The following ADCY4 variants were observed in gnomAD, a reference collection of about 807,000 sequenced individuals.
ADCY4 encodes adenylate cyclase type 4.
Under a neutral mutation model 125.5 loss-of-function variants are expected in ADCY4, and 111 were observed. The ratio of observed to expected loss-of-function variants is 0.88; its 90% CI spans 0.76 to 1.04. ADCY4 has a LOEUF of 1.04. Among genes scored for constraint, ADCY4 ranks in the 50% least tolerant of loss-of-function variants. ADCY4 has a pLI of 0.00. For synonymous variants in ADCY4, 576 were observed against 586.9 expected, an observed-to-expected ratio of 0.98 and a Z score of 0.27; for missense variants, 1,256 against 1,382.9, an observed-to-expected ratio of 0.91 and a Z score of 1.46.
At position 24,319,407 on chromosome 14, in the gene ADCY4, C is replaced by T; in HGVS notation, c.2763G>A (p.Val921=). ...TGCTGCCGATGGTCTTGATCTTCTCCACCCCACTGAACTTGGGCTTGGAGA... is the reference window on the plus strand; with the variant it reads ...TGCTGCCGATGGTCTTGATCTTCTCTACCCCACTGAACTTGGGCTTGGAGA... ...ELLSKPKFSG[V]EKIKTIGSTY... is the part of the protein sequence containing the mutation. The change falls in exon 22 of 25, where the codon GTG becomes GTA. Residue 921 remains valine (V), a synonymous_variant. Coordinates refer to ENST00000418030, the MANE Select transcript of ADCY4 (RefSeq NM_001198568.2). The surrounding 1 kb of genome is among the most constrained non-coding windows in gnomAD (Gnocchi z 4.5). The T allele has an allele frequency of 1.2e-6, 2 of 1,614,212 alleles. No homozygotes were observed. The highest frequency in any genetic ancestry group is 1.7e-6 in the Non-Finnish European group (2 of 1,180,036).
intron 10 of ADCY4, 171 bp downstream of exon 10, chr14:24,328,890 G>A: frequency 2.5e-6 from 2 of 805,252 alleles, no homozygotes; most frequent in Non-Finnish European, 1.9e-6. Flanking sequence ...GGAGGGGCAA[G>A]GAAGGGCCTG....
Position 24,328,967 on chromosome 14 carries a change from T to C in ADCY4, c.1524+94A>G, listed in dbSNP as rs536238263. On this transcript the variant is annotated intron_variant, in intron 10 of 24. Transcript: ENST00000418030. ...TGTCACAAATCATTAAGTGGCTCAC[T>C]GGTGGTGGGGGCAGGGAAGGCTGCC... 1.4e-4 allele frequency: 197 copies of C among 1,449,830 alleles called. 1 individual carries two copies. In the African/African-American group the frequency reaches 2.2e-3, roughly 16 times the overall value. The allele number at this position is 1,449,830 out of a possible 1,614,324, so 89.8% of individuals were successfully genotyped here. A position where few individuals can be genotyped will look rare whatever the true frequency, so the allele number is the denominator to read the frequency against.
intron 6 of ADCY4, 48 bp downstream of exon 6, chr14:24,330,970 G>A: frequency 6.5e-7 from 1 of 1,537,954 alleles, no homozygotes; most frequent in Non-Finnish European, 8.9e-7. Context: ...GGCTACCCAG[G>A]ATGGGATGTT....
At position 24,331,066 on chromosome 14, in the gene ADCY4, C is replaced by G. The variant is rs200174252; in HGVS notation, c.882G>C (p.Leu294=). Residue 294 remains leucine, a synonymous_variant, in exon 6 of 25, where the codon CTG becomes CTC. Transcript: ENST00000418030. The part of the protein sequence containing the change: ...RLASECSPKE[L]VLMLNELFGK... ...CAAAGAGCTCATTGAGCATGAGCACCAGCTCCTTAGGGGAACACTCGCTGG... is the reference window on the plus strand; with the variant it reads ...CAAAGAGCTCATTGAGCATGAGCACGAGCTCCTTAGGGGAACACTCGCTGG... 1.2e-6 allele frequency: 2 copies of G among 1,613,220 alleles called. No homozygotes were observed. The highest frequency in any genetic ancestry group is 4.5e-5 in the East Asian group (2 of 44,824).
intron 1 of ADCY4, among the ~76,000 whole-genome samples, chr14:24,333,864 C>T (rs932127429): frequency 1.4e-4 from 21 of 152,294 alleles, no homozygotes; most frequent in South Asian, 4.1e-4. Flanking sequence ...CCTGCCTCAA[C>T]TCCAAGCAGA....
In ADCY4 at chr14:24,322,943, C is replaced by G; in HGVS notation, c.2303G>C (p.Cys768Ser). ...GCCCAGATAGAGGCGGACGATGAGG[C>G]ATTCCGACAGCCAGGCATGGGAGTG... Reference protein sequence around the residue: ...FLHSHAWLSECLIVRLYLGPL... With the variant: ...FLHSHAWLSESLIVRLYLGPL... The change falls in exon 18 of 25, where the codon TGC becomes TCC. Residue 768 changes from cysteine (C) to serine (S), a missense_variant. Coordinates refer to ENST00000418030, the MANE Select transcript of ADCY4 (RefSeq NM_001198568.2). 6.2e-7 allele frequency: 1 copy of G among 1,611,990 alleles called. No individual in the cohort carries two copies.
intron 14 of ADCY4, among the ~76,000 whole-genome samples, chr14:24,324,849 G>A (rs12431793): frequency 0.62 from 93,636 of 151,968 alleles, 34,552 homozygotes; most frequent in Non-Finnish European, 0.83. Context: ...GATTACAGGC[G>A]CCTGCCATCT....
chr14:24,329,965 G>C lies in ADCY4; in HGVS notation c.1112C>G (p.Ser371Ter). Residue 371 changes from serine (S) to a stop codon, truncating the protein, a stop_gained, in exon 8 of 25, where the codon TCA (serine) becomes TGA (stop). Transcript: ENST00000418030. LOFTEE classifies it high-confidence loss of function. ...GATGACTCCACACAGTACGCTGCCT[G>C]AGTGCACGCCCACACGCATGTTGAT... ...VDINMRVGVHSGSVLCGVIGL... is the reference protein window; with the variant it reads ...VDINMRVGVH The C allele has an allele frequency of 6.2e-7, 1 of 1,614,116 alleles. No individual in the cohort carries two copies. Among genetic ancestry groups the C allele is most frequent in the Non-Finnish European group, 8.5e-7 (1 of 1,180,002 alleles).
intron 16 of ADCY4, 111 bp downstream of exon 16, chr14:24,323,951 G>A: frequency 1.4e-6 from 2 of 1,418,496 alleles, no homozygotes; most frequent in Non-Finnish European, 1.9e-6. Context: ...AACATTTCCA[G>A]CATCCCCTGG....
At chr14:24,325,082 A>C (rs1473262610) in intron 14 of ADCY4, among the ~76,000 whole-genome samples, 2 of 152,036 alleles carry the variant, frequency 1.3e-5, no homozygotes, top group African/African-American at 4.8e-5. Flanking sequence ...AAGCTCATGC[A>C]TTTGCTGCCA....
Position 24,332,797 on chromosome 14 carries a change from C to T in ADCY4, c.351G>A (p.Trp117Ter). 1 of 1,553,046 alleles carries T rather than the reference C, an allele frequency of 6.4e-7. No homozygotes were observed. Among genetic ancestry groups the T allele is most frequent in the African/African-American group, 1.4e-5 (1 of 73,850 alleles). Residue 117 changes from tryptophan to a stop codon, truncating the protein, a stop_gained, in exon 2 of 25, where the codon TGG becomes TGA. Coordinates refer to ENST00000418030, the MANE Select transcript of ADCY4 (RefSeq NM_001198568.2). LOFTEE classifies it high-confidence loss of function. Reference protein sequence around the residue: ...FLFTGGVVSAWDQVSYFLFVI... With the variant: ...FLFTGGVVSA ...CGCCTGCCGCCCCTCTCACCTGGTCCCAGGCGCTCACCACGCCCCCGGTGA... is the reference window on the plus strand; with the variant it reads ...CGCCTGCCGCCCCTCTCACCTGGTCTCAGGCGCTCACCACGCCCCCGGTGA...
chr14:24,331,614 G>T, intron 4 of ADCY4, 174 bp downstream of exon 4: 1 of 1,078,142 alleles, frequency 9.3e-7, no homozygotes, highest in Non-Finnish European at 1.3e-6. Flanking sequence ...TATAAGCTTT[G>T]GTTTGTTTGA....
At position 24,324,327 on chromosome 14, in the gene ADCY4, A is replaced by G; in HGVS notation, c.1888T>C (p.Cys630Arg). 6.2e-7 allele frequency: 1 copy of G among 1,614,234 alleles called. No homozygotes were observed. Among genetic ancestry groups the G allele is most frequent in the East Asian group, 2.2e-5 (1 of 44,884 alleles). ...FLLFLLILFVCFSEDLMRCVL... is the reference protein window; with the variant it reads ...FLLFLLILFVRFSEDLMRCVL... The stretch of plus-strand genomic sequence containing the variant: ...CTCACCATCAGGTCCTCTGAGAAGC[A>G]GACAAAAAGGATGAGGAGGAAGAGG... Residue 630 changes from cysteine (C) to arginine (R), a missense_variant, in exon 15 of 25, where the codon TGC becomes CGC. Cys to Arg is a radical substitution (Grantham distance 180, BLOSUM62 -3). Transcript: ENST00000418030.
At position 24,329,213 on chromosome 14, in the gene ADCY4, C is replaced by T. The variant is rs2041999998; in HGVS notation, c.1372G>A (p.Gly458Ser). The change falls in exon 10 of 25, where the codon GGC (glycine) becomes AGC (serine). Residue 458 changes from glycine to serine, a missense_variant. Coordinates refer to ENST00000418030, the MANE Select transcript of ADCY4 (RefSeq NM_001198568.2). ...DPRAEEEDEKGTAGGLLSSLE... is the reference protein window; with the variant it reads ...DPRAEEEDEKSTAGGLLSSLE... ...GAGGACAGCAAGCCTCCTGCAGTGC[C>T]CTTCTCATCCTCCTCCTCTGCCTGG... 3.7e-6 allele frequency: 6 copies of T among 1,613,750 alleles called. No homozygotes were observed. The East Asian group carries it at 1.1e-4, about 30-fold the overall frequency.
intron 2 of ADCY4, 44 bp downstream of exon 2, chr14:24,332,747 G>C: frequency 6.5e-7 from 1 of 1,537,902 alleles, no homozygotes; most frequent in Non-Finnish European, 8.8e-7. Context: ...GTGAGGGATC[G>C]AAGCCCGGGC....
chr14:24,330,931 C>A (rs1275447862), intron 6 of ADCY4, 87 bp downstream of exon 6: 2 of 1,242,196 alleles, frequency 1.6e-6, no homozygotes, highest in African/African-American at 3.0e-5. Context: ...GGCCTGGGAT[C>A]TTATAAGGTG....
intron 8 of ADCY4, 104 bp downstream of exon 8, chr14:24,329,756 A>G: frequency 6.6e-7 from 1 of 1,513,796 alleles, no homozygotes. Flanking sequence ...ACTTATCTTA[A>G]GGTACTCATC....
Position 24,322,610 on chromosome 14 carries a change from G to A in ADCY4, c.2427+14C>T, listed in dbSNP as rs200548126. 55 of 1,613,878 alleles carry A rather than the reference G, an allele frequency of 3.4e-5. No individual in the cohort carries two copies. In the African/African-American group the frequency reaches 6.9e-4, roughly 20 times the overall value. On this transcript the variant is annotated intron_variant, in intron 19 of 24. Transcript: ENST00000418030. ...CATAGGTGGGCCCTGGTGGGGCTGA[G>A]CTGGGTGACTTACCTGGCGAGCCAG... is the stretch of plus-strand genomic sequence containing the variant.
At chr14:24,325,972 G>T (rs1456939654) in intron 12 of ADCY4, 85 bp from the exon 13 acceptor site, 88 of 1,587,068 alleles carry the variant, frequency 5.5e-5, no homozygotes, top group Non-Finnish European at 7.0e-5. Context: ...AGGGCAAGAG[G>T]GGGTGGTCAG....
Sources: allele counts gnomAD v4.1 joint callset (sites outside exome capture counted in the v4.1 genomes callset), GRCh38; gene constraint gnomAD v4.1.1; non-coding constraint Gnocchi (gnomAD v3.1); transcripts MANE v1.5; gene names NCBI Gene and HGNC (gene_info 2026-07-23, HGNC 2026-07-21).